Variants in FBXL17 observed in about 807,000 individuals in gnomAD.
FBXL17 encodes the protein F-box/LRR-repeat protein 17.
Under a neutral mutation model 66.2 loss-of-function variants are expected in FBXL17, and 22 were observed. The ratio of observed to expected loss-of-function variants is 0.33; its 90% confidence interval spans 0.24 to 0.47. The LOEUF is 0.47. Ranked by LOEUF, FBXL17 falls within the 20% of genes least tolerant of loss-of-function variation. The pLI, the probability that FBXL17 is intolerant of heterozygous loss-of-function variation, is 1.00. For synonymous variants in FBXL17, 474 were observed against 400.5 expected (o/e 1.18, Z -2.19); for missense variants, 878 against 948.2 (o/e 0.93, Z 0.97).
chr5:108,062,180 G>T (rs1747949623), intron 6 of FBXL17, among the ~76,000 whole-genome samples: 1 of 151,756 alleles, frequency 6.6e-6, no homozygotes, highest in Admixed American at 6.6e-5. Flanking sequence ...TAAAAAGTTG[G>T]GCTCAACTGC....
chr5:108,047,622 A>ATAACT, intron 6 of FBXL17, among the ~76,000 whole-genome samples: 1 of 152,294 alleles, frequency 6.6e-6, no homozygotes, highest in East Asian at 1.9e-4. Context: ...GGGAGGCTGG[A>ATAACT]TAACTTGGTT....
intron 4 of FBXL17, among the ~76,000 whole-genome samples, chr5:108,269,470 A>G (rs1314486791): frequency 1.3e-5 from 2 of 152,216 alleles, no homozygotes; most frequent in African/African-American, 4.8e-5. Flanking sequence ...CACAATAACT[A>G]ATGCCATCAA....
At chr5:108,168,374 A>G (rs1752486687) in intron 6 of FBXL17, among the ~76,000 whole-genome samples, 2 of 152,334 alleles carry the variant, frequency 1.3e-5, no homozygotes, top group Admixed American at 6.5e-5. Context: ...AAATGGGTCT[A>G]GCTTACAAAT....
chr5:108,318,057 C>T (rs961957130), intron 4 of FBXL17, among the ~76,000 whole-genome samples: 4 of 151,230 alleles, frequency 2.6e-5, no homozygotes, highest in Admixed American at 1.3e-4. Context: ...TAAAATAATA[C>T]GCTGATAGCT....
chr5:107,920,571 G>A (rs1750281526), intron 7 of FBXL17, among the ~76,000 whole-genome samples: 1 of 152,172 alleles, frequency 6.6e-6, no homozygotes, highest in South Asian at 2.1e-4. Flanking sequence ...ATATGAATCT[G>A]AGAATATTTC....
Position 108,256,312 on chromosome 5 carries a change from T to C in FBXL17, c.1507-32084A>G, listed in dbSNP as rs75146025. Among the ~76,000 whole-genome samples the C allele has an allele frequency of 5.2e-3, 789 of 152,254 alleles. 9 individuals are homozygous for C. The highest frequency in any genetic ancestry group is 0.018 in the African/African-American group (747 of 41,560). On this transcript the variant is annotated intron_variant, in intron 4 of 8. Transcript: ENST00000542267. Reference sequence around the variant, plus strand: ...CTTATCTTGACATTCAAACAAAACATCAGCTAAAGTCAAGTCAAAATATTT... The same window carrying C: ...CTTATCTTGACATTCAAACAAAACACCAGCTAAAGTCAAGTCAAAATATTT...
chr5:108,325,253 C>G (rs1007722425), intron 4 of FBXL17, among the ~76,000 whole-genome samples: 15 of 151,968 alleles, frequency 9.9e-5, no homozygotes, highest in African/African-American at 3.6e-4. Context: ...TAGAAAGGCA[C>G]AAACTTGCCA....
chr5:108,262,074 A>ATTT (rs375770362), intron 4 of FBXL17, among the ~76,000 whole-genome samples: 77 of 135,742 alleles, frequency 5.7e-4, no homozygotes, highest in African/African-American at 2.1e-3. Context: ...TTATTTATTT[A>ATTT]TTTATTTATT....
At chr5:107,866,115 C>T (rs1748264096) in intron 8 of FBXL17, among the ~76,000 whole-genome samples, 1 of 151,904 alleles carries the variant, frequency 6.6e-6, no homozygotes, top group African/African-American at 2.4e-5. Flanking sequence ...CCCCATGATC[C>T]CTGGTTTTCT....
intron 7 of FBXL17, among the ~76,000 whole-genome samples, chr5:107,991,055 T>C (rs1206316994): frequency 6.6e-6 from 1 of 152,176 alleles, no homozygotes; most frequent in Non-Finnish European, 1.5e-5. Context: ...GAGCTAACAC[T>C]GATGTGTGGC....
chr5:107,978,456 T>C (rs1165589869), intron 7 of FBXL17, among the ~76,000 whole-genome samples: 1 of 152,110 alleles, frequency 6.6e-6, no homozygotes, highest in African/African-American at 2.4e-5. Context: ...CCAGCCATTG[T>C]TCCAGAGCTC....
At chr5:107,962,792 T>C (rs1000331032) in intron 7 of FBXL17, among the ~76,000 whole-genome samples, 1 of 152,178 alleles carries the variant, frequency 6.6e-6, no homozygotes. Context: ...AAATTTATAT[T>C]GCTTGATACA....
intron 7 of FBXL17, among the ~76,000 whole-genome samples, chr5:107,902,795 G>T (rs1047858172): frequency 6.6e-6 from 1 of 151,642 alleles, no homozygotes; most frequent in African/African-American, 2.4e-5. Flanking sequence ...GCACTTTGTG[G>T]TATCTATTTT....
At chr5:108,072,264 A>T (rs1185198716) in intron 6 of FBXL17, among the ~76,000 whole-genome samples, 1 of 152,152 alleles carries the variant, frequency 6.6e-6, no homozygotes, top group African/African-American at 2.4e-5. Context: ...GAGTGTAAAG[A>T]AGTAAGAAAG....
intron 7 of FBXL17, among the ~76,000 whole-genome samples, chr5:108,000,492 C>T (rs1034542914): frequency 6.6e-6 from 1 of 152,122 alleles, no homozygotes; most frequent in Non-Finnish European, 1.5e-5. Context: ...CTTTAGATGG[C>T]ACACACAGAA....
intron 4 of FBXL17, among the ~76,000 whole-genome samples, chr5:108,300,214 C>T (rs991320597): frequency 1.4e-4 from 21 of 151,722 alleles, no homozygotes; most frequent in Admixed American, 7.2e-4. Flanking sequence ...CTAAAGAACT[C>T]CATTTACTTG....
chr5:108,161,388 A>T lies in FBXL17; in HGVS notation c.1745+24729T>A, dbSNP rs1213251873. Among the ~76,000 whole-genome samples, 4 of 152,310 alleles carry T rather than the reference A, an allele frequency of 2.6e-5. No homozygotes were observed. The East Asian group carries it at 7.7e-4, about 29-fold the overall frequency. ...GTAGTCCCAGCTACTCGGGAGGCTGAGGCAGGAGAATTGCTTGAACCCGGG... is the reference window on the plus strand; with the variant it reads ...GTAGTCCCAGCTACTCGGGAGGCTGTGGCAGGAGAATTGCTTGAACCCGGG... On this transcript the variant is annotated intron_variant, in intron 6 of 8. Transcript: ENST00000542267.
intron 6 of FBXL17, among the ~76,000 whole-genome samples, chr5:108,045,753 C>T (rs1289158431): frequency 1.3e-5 from 2 of 151,862 alleles, no homozygotes; most frequent in African/African-American, 4.8e-5. Context: ...TTTCTGTTTC[C>T]AAGTGTTTGG....
intron 4 of FBXL17, among the ~76,000 whole-genome samples, chr5:108,260,529 G>A (rs1036184596): frequency 2.6e-5 from 4 of 152,022 alleles, no homozygotes; most frequent in Non-Finnish European, 4.4e-5. Context: ...GGGAGGAAAC[G>A]GCAAAACCAT....
Sources: allele counts gnomAD v4.1 joint callset (sites outside exome capture counted in the v4.1 genomes callset), GRCh38; gene constraint gnomAD v4.1.1; transcripts MANE v1.5; gene names NCBI Gene and HGNC (gene_info 2026-07-23, HGNC 2026-07-21).